FAM118B: variants seen among roughly 807,000 people sequenced by gnomAD.
FAM118B encodes the protein protein FAM118B.
In FAM118B, 24 loss-of-function variants were observed where a neutral mutation model predicts 38.5. The observed-to-expected ratio is 0.62, with a 90% CI of 0.45 to 0.88. The LOEUF is 0.88. FAM118B is among the 40% of genes least tolerant of loss of function. The pLI, the probability that FAM118B is intolerant of heterozygous loss-of-function variation, is 0.00. For synonymous variants in FAM118B, 138 were observed against 156.3 expected (o/e 0.88, Z 0.87); for missense variants, 334 against 420.0 (o/e 0.80, Z 1.79).
At chr11:126,233,760 T>C in intron 2 of FAM118B, 1 of 456,210 alleles carries the variant, frequency 2.2e-6, no homozygotes, top group Non-Finnish European at 4.4e-6. Flanking sequence ...AAAAAATTAA[T>C]TCAGAAACTT....
rs1168263631 is a variant in FAM118B, at chr11:126,252,851, A to T, written c.568-1454A>T. Among the ~76,000 whole-genome samples, 1 of 152,150 alleles carries T rather than the reference A, an allele frequency of 6.6e-6. No homozygotes were observed. Among genetic ancestry groups the T allele is most frequent in the South Asian group, 2.1e-4 (1 of 4,830 alleles). On this transcript the variant is annotated intron_variant, in intron 5 of 8. Coordinates refer to ENST00000533050, the MANE Select transcript of FAM118B (RefSeq NM_024556.4). The surrounding 1 kb of genome is among the most constrained non-coding windows in gnomAD (Gnocchi z 4.7). ...GGATTTTGAGACCAGCCTGTCCAACATGGTGAAACCCCGTCTTTACTAAGA... is the reference window on the plus strand; with the variant it reads ...GGATTTTGAGACCAGCCTGTCCAACTTGGTGAAACCCCGTCTTTACTAAGA...
chr11:126,257,112 A>G (rs777031364), intron 7 of FAM118B, among the ~76,000 whole-genome samples: 5 of 152,244 alleles, frequency 3.3e-5, no homozygotes, highest in African/African-American at 9.6e-5. Flanking sequence ...CTAGTTATCA[A>G]TGAAATGCAG....
At chr11:126,218,447 TC>T (rs1206707735) in intron 1 of FAM118B, among the ~76,000 whole-genome samples, 1 of 152,192 alleles carries the variant, frequency 6.6e-6, no homozygotes, top group Non-Finnish European at 1.5e-5. Context: ...CAGAAGCATT[TC>T]CCACCATCTA....
chr11:126,238,072 A>G (rs1470328603), intron 3 of FAM118B, among the ~76,000 whole-genome samples: 4 of 152,018 alleles, frequency 2.6e-5, no homozygotes, highest in Non-Finnish European at 2.9e-5. Context: ...CAAAAAGCCA[A>G]TGGAAGAGGC....
intron 4 of FAM118B, among the ~76,000 whole-genome samples, chr11:126,246,496 C>T (rs115101982): frequency 5.8e-4 from 89 of 152,252 alleles, no homozygotes; most frequent in African/African-American, 2.1e-3. Flanking sequence ...TTCCTTGTGT[C>T]GCTTTGTGAA....
rs192811964 is a variant in FAM118B, at chr11:126,248,606, G to A, written c.340-1900G>A. Among the ~76,000 whole-genome samples the A allele has an allele frequency of 3.9e-4, 59 of 152,024 alleles. No individual in the cohort carries two copies. In the East Asian group the frequency reaches 0.011, roughly 29 times the overall value. The stretch of plus-strand genomic sequence containing the variant: ...AGGATGGTCTCGATCTCTTGACCTC[G>A]TGATCCACCCGCCTTGGCCTCCCAA... On this transcript the variant is annotated intron_variant, in intron 4 of 8. Coordinates refer to ENST00000533050, the MANE Select transcript of FAM118B (RefSeq NM_024556.4).
chr11:126,257,622 G>A (rs1329061458), intron 7 of FAM118B, among the ~76,000 whole-genome samples: 1 of 80,092 alleles, frequency 1.2e-5, no homozygotes, highest in Admixed American at 1.3e-4. Flanking sequence ...TTTTTTTTTT[G>A]GTGCGTGTAG....
At chr11:126,261,194 G>A (rs1254929404) in intron 7 of FAM118B, 2 of 484,248 alleles carry the variant, frequency 4.1e-6, no homozygotes, top group Non-Finnish European at 7.4e-6. Flanking sequence ...TTGTCTACAA[G>A]CAATCGTAGT....
Position 126,217,676 on chromosome 11 carries a change from C to T in FAM118B, c.-77+5846C>T, listed in dbSNP as rs186668137. 1.4e-3 allele frequency among the ~76,000 whole-genome samples: 218 copies of T among 152,356 alleles called. 1 individual carries two copies. Among genetic ancestry groups the T allele is most frequent in the Admixed American group, 0.013 (198 of 15,308 alleles). On this transcript the variant is annotated intron_variant, in intron 1 of 8. Transcript: ENST00000533050. ...CTCAAGAACTGCTGCCTGGGGTCCTCCTGGACCTGCCCTTTCCTGTGCAGG... is the reference window on the plus strand; with the variant it reads ...CTCAAGAACTGCTGCCTGGGGTCCTTCTGGACCTGCCCTTTCCTGTGCAGG...
chr11:126,259,147 C>T (rs903747093), intron 7 of FAM118B, among the ~76,000 whole-genome samples: 3 of 152,174 alleles, frequency 2.0e-5, no homozygotes, highest in African/African-American at 7.2e-5. Flanking sequence ...CATTTTGAAA[C>T]GAGTCAACCT....
In FAM118B at chr11:126,262,474, T is replaced by C. The variant is rs1260756827; in HGVS notation, c.*341T>C. 3.0e-6 allele frequency: 1 copy of C among 337,152 alleles called. No individual in the cohort carries two copies. Among genetic ancestry groups the C allele is most frequent in the African/African-American group, 2.1e-5 (1 of 47,266 alleles). The allele number at this position is 337,152 out of a possible 1,614,324, so 20.9% of individuals were successfully genotyped here. A position where few individuals can be genotyped will look rare whatever the true frequency, so the allele number is the denominator to read the frequency against. On this transcript the variant is annotated 3_prime_UTR_variant, in exon 9 of 9. Coordinates refer to ENST00000533050, the MANE Select transcript of FAM118B (RefSeq NM_024556.4). Reference sequence around the variant, plus strand: ...GCAGCTCTGCATGAAGGACTCGGGGTCTGGATGCCATGGAATCACTGTGGC... The same window carrying C: ...GCAGCTCTGCATGAAGGACTCGGGGCCTGGATGCCATGGAATCACTGTGGC...
chr11:126,246,915 CAAA>C (rs1453393225), intron 4 of FAM118B, among the ~76,000 whole-genome samples: 1 of 152,098 alleles, frequency 6.6e-6, no homozygotes, highest in African/African-American at 2.4e-5. Context: ...CCACTGGTGG[CAAA>C]TTTAGTTCTA....
chr11:126,219,879 G>A (rs1385340943), intron 1 of FAM118B, among the ~76,000 whole-genome samples: 1 of 149,992 alleles, frequency 6.7e-6, no homozygotes, highest in South Asian at 2.1e-4. Flanking sequence ...AAAGCAGCTC[G>A]AGCTGCTTGA....
rs956581619 is a variant in FAM118B at position 126,253,024 on chromosome 11, G to C, written c.568-1281G>C. 1.3e-5 allele frequency among the ~76,000 whole-genome samples: 2 copies of C among 152,198 alleles called. No individual in the cohort carries two copies. Among genetic ancestry groups the C allele is most frequent in the Non-Finnish European group, 2.9e-5 (2 of 68,042 alleles). On this transcript the variant is annotated intron_variant, in intron 5 of 8. Coordinates refer to ENST00000533050, the MANE Select transcript of FAM118B (RefSeq NM_024556.4). This position sits in a 1 kb window ranked among gnomAD's most constrained non-coding sequence, Gnocchi z 5.1. ...TGCTCCAATCTGGGCAACAGACCAA[G>C]ACTCTGTCTAAAAACAAACAAACAA...
chr11:126,221,921 G>C (rs1218671707), intron 1 of FAM118B, among the ~76,000 whole-genome samples: 1 of 152,058 alleles, frequency 6.6e-6, no homozygotes, highest in East Asian at 1.9e-4. Flanking sequence ...TCAAGCAGAA[G>C]TGCTCATCTC....
intron 2 of FAM118B, among the ~76,000 whole-genome samples, chr11:126,230,369 TG>T (rs1950192871): frequency 6.6e-6 from 1 of 152,242 alleles, no homozygotes; most frequent in Non-Finnish European, 1.5e-5. Context: ...CCAGATGTGT[TG>T]GAATTAGTCC....
rs1161241409 is a variant in FAM118B, at chr11:126,253,959, G to A, written c.568-346G>A. Among the ~76,000 whole-genome samples, 2 of 152,190 alleles carry A rather than the reference G, an allele frequency of 1.3e-5. No individual in the cohort carries two copies. Among genetic ancestry groups the A allele is most frequent in the Non-Finnish European group, 2.9e-5 (2 of 68,042 alleles). ...CCGAAGAGGGGCCACACAAGGGCCT[G>A]GATACAGAGGCTTGATTTCTTGGGG... On this transcript the variant is annotated intron_variant, in intron 5 of 8. Transcript: ENST00000533050. The surrounding 1 kb of genome is among the most constrained non-coding windows in gnomAD (Gnocchi z 5.1).
chr11:126,249,731 C>CAAA (rs71048775), intron 4 of FAM118B, among the ~76,000 whole-genome samples: 108 of 78,768 alleles, frequency 1.4e-3, no homozygotes, highest in Middle Eastern at 9.1e-3. Flanking sequence ...GACTCCGTCT[C>CAAA]AAAAAAAAAA....
At chr11:126,258,536 A>G (rs936026784) in intron 7 of FAM118B, among the ~76,000 whole-genome samples, 27 of 152,190 alleles carry the variant, frequency 1.8e-4, no homozygotes, top group African/African-American at 6.0e-4. Flanking sequence ...CTATGCTTTG[A>G]TGGAACCAGA....
Sources: gnomAD v4.1 joint callset for allele counts (sites outside exome capture counted in the v4.1 genomes callset) on GRCh38, gnomAD v4.1.1 for gene constraint, Gnocchi (gnomAD v3.1) non-coding constraint, MANE v1.5 for transcripts, NCBI Gene and HGNC (gene_info 2026-07-23, HGNC 2026-07-21) for gene names.